Variants in NAV2 observed in about 807,000 individuals in gnomAD.
NAV2 encodes the protein neuron navigator 2, also known as helicase, APC down-regulated 1.
Under a neutral mutation model 223.2 loss-of-function variants are expected in NAV2, and 54 were observed. That is an observed-to-expected ratio of 0.24 (90% CI 0.19 to 0.30). The LOEUF (loss-of-function observed/expected upper bound fraction) is 0.30, where lower values mean the gene tolerates loss of function less well. Among genes scored for constraint, NAV2 ranks in the 10% least tolerant of loss-of-function variants. The pLI is 1.00. For synonymous variants in NAV2, 1,279 were observed against 1,239.3 expected (o/e 1.03, Z -0.67); for missense variants, 2,806 against 3,147.5 (o/e 0.89, Z 2.60).
intron 36 of NAV2, among the ~76,000 whole-genome samples, chr11:20,111,381 G>C (rs2062626087): frequency 6.6e-6 from 1 of 152,210 alleles, no homozygotes; most frequent in African/African-American, 2.4e-5. Flanking sequence ...TGCCCTCGGG[G>C]CCTGCAGTGG....
chr11:19,494,683 C>T (rs896840726), intron 1 of NAV2, among the ~76,000 whole-genome samples: 64 of 152,168 alleles, frequency 4.2e-4, no homozygotes, highest in African/African-American at 1.5e-3. Flanking sequence ...CCCCGGGTTT[C>T]CTGAGTCTCT....
At chr11:19,939,478 C>T (rs1476572549) in intron 7 of NAV2, among the ~76,000 whole-genome samples, 183 bp from the exon 8 acceptor site, 5 of 152,234 alleles carry the variant, frequency 3.3e-5, no homozygotes, top group African/African-American at 1.2e-4. Flanking sequence ...GCGGCTCTCT[C>T]TGTTCTTAGG....
At chr11:19,548,155 G>C in intron 1 of NAV2, among the ~76,000 whole-genome samples, 1 of 152,200 alleles carries the variant, frequency 6.6e-6, no homozygotes, top group East Asian at 1.9e-4. Flanking sequence ...TTTCATGGCT[G>C]TCGGTAATGG....
upstream of NAV2, among the ~76,000 whole-genome samples, chr11:19,709,842 T>C (rs542773182): frequency 7.2e-5 from 11 of 151,918 alleles, no homozygotes; most frequent in South Asian, 1.9e-3. Context: ...ATAGAATTAC[T>C]AAAGGGAAGA....
chr11:20,059,012 A>G (rs926999119), intron 19 of NAV2, among the ~76,000 whole-genome samples: 2 of 152,050 alleles, frequency 1.3e-5, no homozygotes, highest in African/African-American at 4.8e-5. Context: ...TGATGTCTTA[A>G]GCTTCTTGAT....
At chr11:19,586,987 A>G (rs952116042) in intron 1 of NAV2, among the ~76,000 whole-genome samples, 1 of 152,254 alleles carries the variant, frequency 6.6e-6, no homozygotes, top group African/African-American at 2.4e-5. Context: ...TGGAGTCTAC[A>G]GAGGCAGGCA....
chr11:19,477,747 T>A (rs2042162052), intron 1 of NAV2, among the ~76,000 whole-genome samples: 1 of 152,210 alleles, frequency 6.6e-6, no homozygotes, highest in African/African-American at 2.4e-5. Context: ...CTTCATGGCC[T>A]CTCCTTGAGC....
intron 1 of NAV2, among the ~76,000 whole-genome samples, chr11:19,410,488 T>G (rs1216705168): frequency 1.3e-5 from 2 of 152,190 alleles, no homozygotes; most frequent in Non-Finnish European, 2.9e-5. Context: ...CTAACTACCT[T>G]ATCCAGGGTC....
intron 1 of NAV2, among the ~76,000 whole-genome samples, chr11:19,577,802 T>C (rs890716299): frequency 4.6e-5 from 7 of 152,086 alleles, no homozygotes; most frequent in Non-Finnish European, 7.4e-5. Flanking sequence ...TGCTTTCTGT[T>C]CCAATGGTGG....
At chr11:19,582,647 T>G (rs897746641) in intron 1 of NAV2, among the ~76,000 whole-genome samples, 5 of 151,848 alleles carry the variant, frequency 3.3e-5, no homozygotes, top group Admixed American at 6.6e-5. Context: ...TCTAGTTTTT[T>G]TCAGGTTTGT....
chr11:19,925,533 G>A (rs2044667125), intron 6 of NAV2, among the ~76,000 whole-genome samples: 2 of 152,114 alleles, frequency 1.3e-5, no homozygotes, highest in African/African-American at 2.4e-5. Context: ...GGTAGATCAC[G>A]AGGTCAGGGG....
chr11:19,960,168 A>T (rs913249472), intron 10 of NAV2, among the ~76,000 whole-genome samples: 58 of 152,138 alleles, frequency 3.8e-4, no homozygotes, highest in Non-Finnish European at 6.2e-4. Flanking sequence ...TCAAAGCTGG[A>T]CCGTTTGATA....
intron 1 of NAV2, among the ~76,000 whole-genome samples, chr11:19,386,790 A>G (rs77998976): frequency 0.026 from 4,013 of 152,274 alleles, 91 homozygotes; most frequent in Admixed American, 0.066. Flanking sequence ...GGTAAAGGGT[A>G]AAACAAGTGG....
At chr11:19,589,320 T>C (rs2045988292) in intron 1 of NAV2, among the ~76,000 whole-genome samples, 1 of 152,168 alleles carries the variant, frequency 6.6e-6, no homozygotes, top group South Asian at 2.1e-4. Flanking sequence ...ATCCTGACTT[T>C]ACCAAAGGAA....
At chr11:19,823,002 G>A (rs983321027) in intron 1 of NAV2, among the ~76,000 whole-genome samples, 1 of 152,104 alleles carries the variant, frequency 6.6e-6, no homozygotes, top group African/African-American at 2.4e-5. Flanking sequence ...TTCCTTGAGG[G>A]AAAAGTTCCA....
intron 1 of NAV2, among the ~76,000 whole-genome samples, chr11:19,571,488 C>A (rs1252931014): frequency 6.6e-6 from 1 of 152,194 alleles, no homozygotes; most frequent in Non-Finnish European, 1.5e-5. Context: ...GGGTGGATCA[C>A]CTGATGTCAG....
chr11:20,043,292 C>T (rs2057114369), intron 12 of NAV2, among the ~76,000 whole-genome samples: 1 of 152,134 alleles, frequency 6.6e-6, no homozygotes, highest in South Asian at 2.1e-4. Context: ...AGATCAGCCG[C>T]CAGAGTTGGA....
intron 1 of NAV2, among the ~76,000 whole-genome samples, chr11:19,760,444 T>C (rs1445784393): frequency 6.6e-6 from 1 of 152,188 alleles, no homozygotes; most frequent in Non-Finnish European, 1.5e-5. Flanking sequence ...CAGGGGAGAA[T>C]GCAGGCATGT....
rs569446282 is a variant in NAV2, at chr11:19,859,137, C to CTTTTTTTTT, written c.439-9774_439-9766dup. Among the ~76,000 whole-genome samples the CTTTTTTTTT allele has an allele frequency of 3.3e-3, 350 of 107,058 alleles. 7 individuals carry two copies. The highest frequency in any genetic ancestry group is 8.6e-3 in the African/African-American group (252 of 29,248). 70.2% of individuals were successfully genotyped at this position (107,058 alleles called of 152,430 possible). ...ATGGAGGAGTCCAAAATCATATTCT[C>CTTTTTTTTT]TTTTTTTTTTTTTTTTTTTTTTATT... On this transcript the variant is annotated intron_variant, in intron 3 of 37. Coordinates refer to ENST00000349880, the MANE Select transcript of NAV2 (RefSeq NM_145117.5).
Sources: allele counts gnomAD v4.1 joint callset (sites outside exome capture counted in the v4.1 genomes callset), GRCh38; gene constraint gnomAD v4.1.1; transcripts MANE v1.5; gene names NCBI Gene and HGNC (gene_info 2026-07-23, HGNC 2026-07-21).